The following GRID2 variants were observed in gnomAD, a reference collection of about 807,000 sequenced individuals.
The protein encoded by GRID2 is glutamate receptor ionotropic, delta-2.
In GRID2, 33 loss-of-function variants were observed where a neutral mutation model predicts 114.8. The ratio of observed to expected loss-of-function variants is 0.29; its 90% CI spans 0.22 to 0.38. The LOEUF is 0.38. GRID2 is among the 10% of genes least tolerant of loss of function. The pLI, the probability that GRID2 is intolerant of heterozygous loss-of-function variation, is 1.00. For synonymous variants in GRID2, 505 were observed against 449.9 expected (o/e 1.12, Z -1.55); for missense variants, 1,184 against 1,257.7 (o/e 0.94, Z 0.89).
chr4:92,471,392 G>A (rs577197907), intron 1 of GRID2, among the ~76,000 whole-genome samples: 39 of 152,122 alleles, frequency 2.6e-4, no homozygotes, highest in African/African-American at 8.4e-4. Flanking sequence ...GAAGTTAAAG[G>A]CTTGAGTGGT....
At chr4:92,553,376 T>A (rs1726691995) in intron 1 of GRID2, among the ~76,000 whole-genome samples, 1 of 152,178 alleles carries the variant, frequency 6.6e-6, no homozygotes, top group Non-Finnish European at 1.5e-5. Flanking sequence ...TTTAATGTGT[T>A]GAACAGAATA....
intron 9 of GRID2, among the ~76,000 whole-genome samples, chr4:93,396,127 G>T (rs1450036592): frequency 6.6e-6 from 1 of 151,966 alleles, no homozygotes; most frequent in Non-Finnish European, 1.5e-5. Flanking sequence ...CTCTAATAGT[G>T]AAATATTAAC....
intron 1 of GRID2, among the ~76,000 whole-genome samples, chr4:92,441,624 G>T (rs185137224): frequency 1.7e-3 from 252 of 152,190 alleles, no homozygotes; most frequent in Non-Finnish European, 3.2e-3. Flanking sequence ...ATTGTAAGGA[G>T]AGTTTATAGG....
chr4:92,836,762 A>G (rs1039074807), intron 2 of GRID2, among the ~76,000 whole-genome samples: 7 of 152,130 alleles, frequency 4.6e-5, no homozygotes. Flanking sequence ...AAAATAGACC[A>G]TATAAATGCA....
At chr4:93,583,404 GT>G (rs1737183003) in intron 13 of GRID2, among the ~76,000 whole-genome samples, 2 of 151,988 alleles carry the variant, frequency 1.3e-5, no homozygotes, top group East Asian at 3.9e-4. Flanking sequence ...TGCTGTGGAC[GT>G]TTTTTTCTGT....
intron 1 of GRID2, among the ~76,000 whole-genome samples, chr4:92,469,530 A>G (rs940734209): frequency 1.3e-5 from 2 of 152,086 alleles, no homozygotes; most frequent in African/African-American, 4.8e-5. Flanking sequence ...TTCTATTTGT[A>G]TATTTTTATT....
intron 1 of GRID2, among the ~76,000 whole-genome samples, chr4:93,800,997 A>G (rs1422936133): frequency 2.0e-5 from 3 of 152,214 alleles, no homozygotes. Context: ...TGCTCAATAC[A>G]ACTAATAAAC....
At chr4:93,669,900 T>C (rs1454360263) in intron 14 of GRID2, among the ~76,000 whole-genome samples, 1 of 152,066 alleles carries the variant, frequency 6.6e-6, no homozygotes, top group East Asian at 1.9e-4. Flanking sequence ...GACCTGGACG[T>C]TTTTCAGAGC....
intron 8 of GRID2, among the ~76,000 whole-genome samples, chr4:93,349,167 T>C (rs1760540149): frequency 6.6e-6 from 1 of 152,128 alleles, no homozygotes; most frequent in South Asian, 2.1e-4. Context: ...TATGAAGATG[T>C]CACAAATTAT....
Position 92,843,792 on chromosome 4 carries a change from A to G in GRID2, c.245-241203A>G, listed in dbSNP as rs1743091591. Among the ~76,000 whole-genome samples the G allele has an allele frequency of 2.6e-5, 4 of 152,164 alleles. No individual in the cohort carries two copies. The South Asian group carries it at 8.3e-4, about 31-fold the overall frequency. On this transcript the variant is annotated intron_variant, in intron 2 of 15. Coordinates refer to ENST00000282020, the MANE Select transcript of GRID2 (RefSeq NM_001510.4). ...TCTTCTTTGATACTATACCAAATTC[A>G]ACAAGTAGTTTAAGTTTTAGTTGCA...
intron 4 of GRID2, among the ~76,000 whole-genome samples, chr4:93,115,271 A>G (rs1733131060): frequency 6.6e-6 from 1 of 152,084 alleles, no homozygotes; most frequent in Non-Finnish European, 1.5e-5. Flanking sequence ...CTTTTAGCAT[A>G]TCCTGTGTAT....
At chr4:92,735,824 A>G (rs1168644826) in intron 2 of GRID2, among the ~76,000 whole-genome samples, 1 of 152,058 alleles carries the variant, frequency 6.6e-6, no homozygotes. Flanking sequence ...CTTGTTCTCA[A>G]CTAATAATCA....
intron 1 of GRID2, among the ~76,000 whole-genome samples, chr4:92,333,069 ACT>A (rs113193326): frequency 2.0e-4 from 30 of 151,876 alleles, no homozygotes; most frequent in Admixed American, 4.6e-4. Context: ...CCTAGTGGAG[ACT>A]CTCTGTTGTG....
chr4:93,259,622 T>C (rs1000296919), intron 8 of GRID2, among the ~76,000 whole-genome samples: 1 of 151,896 alleles, frequency 6.6e-6, no homozygotes, highest in Admixed American at 6.6e-5. Context: ...TTTATTTTTA[T>C]GCAAAGCCTT....
intron 1 of GRID2, among the ~76,000 whole-genome samples, chr4:92,488,693 G>T (rs994864191): frequency 6.6e-6 from 1 of 152,160 alleles, no homozygotes; most frequent in Admixed American, 6.6e-5. Flanking sequence ...CTGAGGAAGG[G>T]TAAAAGAACG....
At chr4:92,996,280 ACT>A (rs1405470555) in intron 2 of GRID2, among the ~76,000 whole-genome samples, 2 of 150,406 alleles carry the variant, frequency 1.3e-5, no homozygotes, top group African/African-American at 2.5e-5. Context: ...ACAGAACAAG[ACT>A]CTCTCTCTTT....
At chr4:93,011,537 G>A (rs1722140351) in intron 2 of GRID2, among the ~76,000 whole-genome samples, 1 of 152,002 alleles carries the variant, frequency 6.6e-6, no homozygotes, top group African/African-American at 2.4e-5. Flanking sequence ...CCAGCCCCCA[G>A]CAATCTCATT....
chr4:93,159,878 T>C (rs1357503694), intron 4 of GRID2, among the ~76,000 whole-genome samples: 1 of 151,766 alleles, frequency 6.6e-6, no homozygotes, highest in African/African-American at 2.4e-5. Context: ...ATTAATTCCA[T>C]TATTTAAAAA....
At chr4:92,436,620 A>T (rs1732748050) in intron 1 of GRID2, among the ~76,000 whole-genome samples, 2 of 152,122 alleles carry the variant, frequency 1.3e-5, no homozygotes, top group Non-Finnish European at 1.5e-5. Context: ...CTACTAGAAG[A>T]TTATTAAGAA....
Sources: allele counts gnomAD v4.1 joint callset (sites outside exome capture counted in the v4.1 genomes callset), GRCh38; gene constraint gnomAD v4.1.1; transcripts MANE v1.5; gene names NCBI Gene and HGNC (gene_info 2026-07-23, HGNC 2026-07-21).